Variants in TAOK3 observed in about 807,000 individuals in gnomAD.
TAOK3 encodes serine/threonine-protein kinase TAO3.
Under a neutral mutation model 120.4 loss-of-function variants are expected in TAOK3, and 40 were observed. The ratio of observed to expected loss-of-function variants is 0.33; its 90% CI spans 0.26 to 0.43. TAOK3 has a LOEUF of 0.43. TAOK3 is among the 20% of genes least tolerant of loss of function. The pLI is 1.00. For synonymous variants in TAOK3, 355 were observed against 387.5 expected (o/e 0.92, Z 0.99); for missense variants, 821 against 1,112.1 (o/e 0.74, Z 3.72).
chr12:118,210,620 G>A (rs2038572950), intron 11 of TAOK3, among the ~76,000 whole-genome samples: 1 of 151,950 alleles, frequency 6.6e-6, no homozygotes, highest in Non-Finnish European at 1.5e-5. Context: ...CTCCTCGAAC[G>A]GCCTTCTCCT....
At chr12:118,197,682 C>CT (rs67635506) in intron 13 of TAOK3, among the ~76,000 whole-genome samples, 37,297 of 91,044 alleles carry the variant, frequency 0.41, 8,598 homozygotes, top group Non-Finnish European at 0.48. Flanking sequence ...GCAAAACCTT[C>CT]TTTTTTTTTT....
At chr12:118,300,878 C>A (rs150065580) in intron 1 of TAOK3, among the ~76,000 whole-genome samples, 1 of 152,036 alleles carries the variant, frequency 6.6e-6, no homozygotes, top group Non-Finnish European at 1.5e-5. Flanking sequence ...TGGGTTCAAG[C>A]GATTCTCCTG....
chr12:118,242,230 A>G (rs2139979388), intron 5 of TAOK3, among the ~76,000 whole-genome samples: 1 of 152,298 alleles, frequency 6.6e-6, no homozygotes, highest in Non-Finnish European at 1.5e-5. Context: ...CTCCTTCAAG[A>G]CAGCTGAGAT....
intron 17 of TAOK3, among the ~76,000 whole-genome samples, chr12:118,167,277 T>A (rs543150626): frequency 1.3e-5 from 2 of 152,250 alleles, no homozygotes; most frequent in African/African-American, 4.8e-5. Flanking sequence ...GGCATTCTTG[T>A]GCTTTGTTGG....
At chr12:118,299,193 T>C (rs574576625) in intron 1 of TAOK3, among the ~76,000 whole-genome samples, 1 of 152,290 alleles carries the variant, frequency 6.6e-6, no homozygotes, top group East Asian at 1.9e-4. Flanking sequence ...AGTTAAAATG[T>C]AGGATCCCTC....
chr12:118,205,249 C>T (rs2038236170), intron 11 of TAOK3, among the ~76,000 whole-genome samples: 1 of 151,588 alleles, frequency 6.6e-6, no homozygotes, highest in African/African-American at 2.4e-5. Context: ...CGCCTATAGT[C>T]CCAGGTACTC....
At chr12:118,151,214 G>A (rs541391200) in intron 20 of TAOK3, 56 bp from the exon 21 acceptor site, 32 of 1,586,034 alleles carry the variant, frequency 2.0e-5, no homozygotes, top group African/African-American at 1.9e-4. Context: ...AGGCACCCAC[G>A]TGCACGCGAT....
chr12:118,206,209 G>A (rs906647570), intron 11 of TAOK3, among the ~76,000 whole-genome samples: 1 of 152,230 alleles, frequency 6.6e-6, no homozygotes, highest in Non-Finnish European at 1.5e-5. Context: ...TACATGCTAA[G>A]GATGGTGAAG....
chr12:118,251,029 A>G (rs2040727279), intron 3 of TAOK3, among the ~76,000 whole-genome samples: 1 of 152,174 alleles, frequency 6.6e-6, no homozygotes, highest in Admixed American at 6.6e-5. Flanking sequence ...ACCATGAAGG[A>G]CCTTGTGGGC....
chr12:118,237,243 A>T (rs1255618254), intron 7 of TAOK3, among the ~76,000 whole-genome samples: 5 of 152,176 alleles, frequency 3.3e-5, no homozygotes, highest in Non-Finnish European at 5.9e-5. Flanking sequence ...GAGGAACCAT[A>T]ACCCAATAGT....
chr12:118,164,149 C>T lies in TAOK3; in HGVS notation c.1900-2122G>A, dbSNP rs1040348233. ...CATCCTGGCTAACATGGTGAAACCC[C>T]GTCTCCACTTAAAAATACAAAAAAA... On this transcript the variant is annotated intron_variant, in intron 17 of 20. Coordinates refer to ENST00000392533, the MANE Select transcript of TAOK3 (RefSeq NM_016281.4). Among the ~76,000 whole-genome samples, 33 of 151,392 alleles carry T rather than the reference C, an allele frequency of 2.2e-4. 1 individual carries two copies. Among genetic ancestry groups the T allele is most frequent in the South Asian group, 4.2e-4 (2 of 4,784 alleles).
chr12:118,167,307 A>AAAAG (rs2035664465), intron 17 of TAOK3, among the ~76,000 whole-genome samples: 1 of 152,224 alleles, frequency 6.6e-6, no homozygotes, highest in South Asian at 2.1e-4. Context: ...AAACTCCTTT[A>AAAAG]GAGAGCAATT....
chr12:118,248,685 T>A (rs1049794697), intron 3 of TAOK3, among the ~76,000 whole-genome samples: 11 of 152,104 alleles, frequency 7.2e-5, no homozygotes, highest in Non-Finnish European at 1.2e-4. Context: ...GTATTATTAT[T>A]TAATTGCTTA....
chr12:118,253,024 C>G (rs748581063), intron 3 of TAOK3, among the ~76,000 whole-genome samples: 1 of 151,898 alleles, frequency 6.6e-6, no homozygotes, highest in African/African-American at 2.4e-5. Context: ...CTGCGCCCAG[C>G]CGAAATTAGC....
At chr12:118,246,603 A>T (rs1163321623) in intron 3 of TAOK3, 16 of 1,574,026 alleles carry the variant, frequency 1.0e-5, no homozygotes, top group African/African-American at 1.3e-5. Flanking sequence ...GGGGAACAAG[A>T]TCGGCAAGCC....
chr12:118,287,048 G>A (rs2042291702), intron 1 of TAOK3, among the ~76,000 whole-genome samples: 1 of 152,052 alleles, frequency 6.6e-6, no homozygotes, highest in African/African-American at 2.4e-5. Context: ...ATGACACAAT[G>A]GACTTTGGGG....
At chr12:118,199,428 A>G (rs2037912949) in intron 12 of TAOK3, 171 bp from the exon 13 acceptor site, 1 of 623,790 alleles carries the variant, frequency 1.6e-6, no homozygotes. Flanking sequence ...ATTTTCATAC[A>G]TCTCATATTT....
chr12:118,272,257 A>G (rs1420539411), intron 1 of TAOK3, among the ~76,000 whole-genome samples: 3 of 147,014 alleles, frequency 2.0e-5, no homozygotes, highest in East Asian at 4.0e-4. Context: ...ACACCACTGC[A>G]CTCCAGCCTG....
intron 15 of TAOK3, among the ~76,000 whole-genome samples, chr12:118,178,909 T>C (rs2036517079): frequency 6.6e-6 from 1 of 152,276 alleles, no homozygotes; most frequent in East Asian, 1.9e-4. Flanking sequence ...GTGAAGGATA[T>C]ACGTAAGACG....
Sources: gnomAD v4.1 joint callset for allele counts (sites outside exome capture counted in the v4.1 genomes callset) on GRCh38, gnomAD v4.1.1 for gene constraint, MANE v1.5 for transcripts, NCBI Gene and HGNC (gene_info 2026-07-23, HGNC 2026-07-21) for gene names.